The following CASP1 variants were observed in gnomAD, a reference collection of about 807,000 sequenced individuals.
The protein encoded by CASP1 is caspase 1, also known as caspase-1.
A neutral mutation model predicts 41.2 loss-of-function variants in CASP1; 31 were observed. The observed-to-expected ratio is 0.75, with a 90% CI of 0.57 to 1.02. CASP1 has a LOEUF of 1.02. Ranked by LOEUF, CASP1 falls within the 50% of genes least tolerant of loss-of-function variation. The pLI is 0.00. For synonymous variants in CASP1, 163 were observed against 166.5 expected (o/e 0.98, Z 0.16); for missense variants, 490 against 495.7 (o/e 0.99, Z 0.11).
In CASP1 at chr11:105,031,227, C is replaced by T. The variant is rs781107669; in HGVS notation, c.391G>A (p.Gly131Arg). 3.7e-6 allele frequency: 6 copies of T among 1,613,110 alleles called. No individual in the cohort carries two copies. The highest frequency in any genetic ancestry group is 5.1e-6 in the Non-Finnish European group (6 of 1,179,326). The change falls in exon 4 of 9, where the codon GGG becomes AGG. Residue 131 changes from glycine to arginine, a missense_variant. Gly to Arg is a moderately radical substitution (Grantham distance 125, BLOSUM62 -2). Coordinates refer to ENST00000533400, the MANE Select transcript of CASP1 (RefSeq NM_001257118.3). Reference sequence around the variant, plus strand: ...TCTAGGGAGCAAAGCTTGACATTCCCTTCTGAGCCTGAGGATGTGGGCATA... The same window carrying T: ...TCTAGGGAGCAAAGCTTGACATTCCTTTCTGAGCCTGAGGATGTGGGCATA... ...PAMPTSSGSE[G>R]NVKLCSLEEA...
At chr11:105,033,797 A>C (rs951947135) in intron 2 of CASP1, 5 of 455,000 alleles carry the variant, frequency 1.1e-5, no homozygotes, top group Non-Finnish European at 2.1e-5. Context: ...AAAGTTATAA[A>C]AAGTATTTGA....
At chr11:105,032,221 A>C (rs1377454158) in intron 3 of CASP1, among the ~76,000 whole-genome samples, 1 of 152,222 alleles carries the variant, frequency 6.6e-6, no homozygotes, top group Non-Finnish European at 1.5e-5. Flanking sequence ...GAATTAGAAT[A>C]GATATATTGG....
intron 2 of CASP1, among the ~76,000 whole-genome samples, chr11:105,033,582 A>G (rs986753876): frequency 1.3e-5 from 2 of 152,142 alleles, no homozygotes; most frequent in Admixed American, 6.5e-5. Flanking sequence ...GAGGGTTGCA[A>G]GTGGAGGATT....
intron 7 of CASP1, among the ~76,000 whole-genome samples, chr11:105,027,780 A>G (rs757562672): frequency 6.6e-6 from 1 of 152,118 alleles, no homozygotes; most frequent in Non-Finnish European, 1.5e-5. Flanking sequence ...GTGGAGACAG[A>G]TATCTTTGCA....
At position 105,029,193 on chromosome 11, in the gene CASP1, A is replaced by T. The variant is rs757263400; in HGVS notation, c.937T>A (p.Phe313Ile). 1 of 1,612,996 alleles carries T rather than the reference A, an allele frequency of 6.2e-7. No homozygotes were observed. Among genetic ancestry groups the T allele is most frequent in the South Asian group, 1.1e-5 (1 of 91,052 alleles). Residue 313 changes from phenylalanine to isoleucine, a missense_variant, in exon 7 of 9, where the codon TTT becomes ATT. Phe to Ile is a conservative substitution (Grantham distance 21, BLOSUM62 0). Transcript: ENST00000533400. Reference protein sequence around the residue: ...GNLSLPTTEEFEDDAIKKAHI... With the variant: ...GNLSLPTTEEIEDDAIKKAHI... ...GCTTTCTTAATAGCATCATCCTCAA[A>T]CTCTTCTGTAGTTGGTAAAGATAGG... is the stretch of plus-strand genomic sequence containing the variant.
In CASP1 at chr11:105,031,051, A is replaced by G. The variant is rs1863660427; in HGVS notation, c.453+114T>C. On this transcript the variant is annotated intron_variant, in intron 4 of 8. Transcript: ENST00000533400. ...TCCTTTATGTAAGGGGAGCAGAAGT[A>G]TGATTCTCCAGAACTGCTCAATGAG... is the stretch of plus-strand genomic sequence containing the variant. 1.2e-5 allele frequency: 8 copies of G among 667,184 alleles called. No homozygotes were observed. The East Asian group carries it at 1.6e-4, about 13-fold the overall frequency. 41.3% of individuals were successfully genotyped at this position (667,184 alleles called of 1,614,324 possible).
At chr11:105,030,294 G>A in intron 5 of CASP1, 36 bp downstream of exon 5, 5 of 1,531,100 alleles carry the variant, frequency 3.3e-6, no homozygotes, top group Non-Finnish European at 4.5e-6. Flanking sequence ...TATACGAAGG[G>A]CATAACCATT....
In CASP1 at chr11:105,029,150, A is replaced by C. The variant is rs1222240856; in HGVS notation, c.980T>G (p.Phe327Cys). 6.2e-7 allele frequency: 1 copy of C among 1,613,248 alleles called. No homozygotes were observed. Among genetic ancestry groups the C allele is most frequent in the Admixed American group, 1.7e-5 (1 of 59,900 alleles). The change falls in exon 7 of 9, where the codon TTT becomes TGT. Residue 327 changes from phenylalanine (F) to cysteine (C), a missense_variant. Transcript: ENST00000533400. ...AIKKAHIEKD[F>C]IAFCSSTPDN... ...TGGTGTGGAAGAGCAGAAAGCGATA[A>C]AATCCTTCTCTATGTGGGCTTTCTT...
chr11:105,027,971 A>G (rs1863425150), intron 7 of CASP1, among the ~76,000 whole-genome samples: 1 of 152,050 alleles, frequency 6.6e-6, no homozygotes, highest in Non-Finnish European at 1.5e-5. Context: ...GAAAAGAAAG[A>G]CACATAAATC....
At chr11:105,033,391 C>G (rs1458963071) in intron 2 of CASP1, among the ~76,000 whole-genome samples, 1 of 152,214 alleles carries the variant, frequency 6.6e-6, no homozygotes. Flanking sequence ...TAAGCTTTCC[C>G]TAACCCTTAG....
At chr11:105,030,925 TTAA>T (rs1352723450) in intron 4 of CASP1, 12 of 454,528 alleles carry the variant, frequency 2.6e-5, no homozygotes, top group Middle Eastern at 5.4e-4. Context: ...ATGCCCATTC[TTAA>T]TAAGCATTCA....
At chr11:105,033,187 A>G (rs1863801418) in intron 2 of CASP1, 61 bp from the exon 3 acceptor site, 1 of 969,348 alleles carries the variant, frequency 1.0e-6, no homozygotes, top group Non-Finnish European at 1.6e-6. Flanking sequence ...CTTTACCCCA[A>G]TCTGTAAAAC....
At chr11:105,030,205 T>C (rs1443770827) in intron 5 of CASP1, 125 bp downstream of exon 5, 1 of 833,830 alleles carries the variant, frequency 1.2e-6, no homozygotes, top group African/African-American at 1.7e-5. Context: ...CAGCACTCTC[T>C]CATGGCAAGT....
intron 7 of CASP1, among the ~76,000 whole-genome samples, chr11:105,027,852 G>T (rs1020323215): frequency 1.3e-5 from 2 of 152,096 alleles, no homozygotes; most frequent in Non-Finnish European, 2.9e-5. Flanking sequence ...CTATGATGTG[G>T]TTGGGATTGG....
intron 2 of CASP1, chr11:105,033,787 A>C: frequency 4.6e-6 from 2 of 430,210 alleles, no homozygotes; most frequent in South Asian, 1.8e-5. Context: ...ATTTTGGAGA[A>C]AAGTTATAAA....
In CASP1 at chr11:105,029,129, G is replaced by A; in HGVS notation, c.1001C>T (p.Thr334Ile). The A allele has an allele frequency of 1.2e-6, 2 of 1,612,704 alleles. No homozygotes were observed. The highest frequency in any genetic ancestry group is 1.7e-6 in the Non-Finnish European group (2 of 1,179,218). Residue 334 changes from threonine (T) to isoleucine (I), a missense_variant, in exon 7 of 9, where the codon ACA becomes ATA. By Grantham distance (89) the Thr-to-Ile change is moderately conservative. Transcript: ENST00000533400. ...EKDFIAFCSS[T>I]PDNVSWRHPT... The stretch of plus-strand genomic sequence containing the variant: ...CCTGTGTAGAAACCTGTTACCTGGT[G>A]TGGAAGAGCAGAAAGCGATAAAATC...
intron 6 of CASP1, 33 bp downstream of exon 6, chr11:105,029,632 T>C: frequency 6.8e-7 from 1 of 1,476,612 alleles, no homozygotes; most frequent in Non-Finnish European, 9.5e-7. Flanking sequence ...TAGTATTTGA[T>C]TGTCTGGTGT....
At position 105,034,267 on chromosome 11, in the gene CASP1, C is replaced by A. The variant is rs1863882092; in HGVS notation, c.215G>T (p.Cys72Phe). ...IPKGAQACQI[C>F]ITYICEEDSY... is the part of the protein sequence containing the mutation. ...GTCTTCTTCACAAATGTATGTGATGCAAATTTGGCATGCCTGTGCCCCTTT... is the reference window on the plus strand; with the variant it reads ...GTCTTCTTCACAAATGTATGTGATGAAAATTTGGCATGCCTGTGCCCCTTT... Residue 72 changes from cysteine (C) to phenylalanine (F), a missense_variant, in exon 2 of 9, where the codon TGC (cysteine) becomes TTC (phenylalanine). Transcript: ENST00000533400. 3.7e-6 allele frequency: 6 copies of A among 1,614,120 alleles called. No homozygotes were observed. Among genetic ancestry groups the A allele is most frequent in the Non-Finnish European group, 5.1e-6 (6 of 1,179,994 alleles).
At chr11:105,027,268 A>T in intron 7 of CASP1, 1 of 552,202 alleles carries the variant, frequency 1.8e-6, no homozygotes, top group African/African-American at 1.9e-5. Context: ...AGTGTTTGAG[A>T]TAACCCAGGA....
Sources: allele counts gnomAD v4.1 joint callset (sites outside exome capture counted in the v4.1 genomes callset), GRCh38; gene constraint gnomAD v4.1.1; transcripts MANE v1.5; gene names NCBI Gene and HGNC (gene_info 2026-07-23, HGNC 2026-07-21).